The following ABCA7 variants were observed in gnomAD, a reference collection of about 807,000 sequenced individuals.
ABCA7 encodes the protein ATP binding cassette subfamily A member 7, also known as phospholipid-transporting ATPase ABCA7.
Under a neutral mutation model 227.6 loss-of-function variants are expected in ABCA7, and 261 were observed. The ratio of observed to expected loss-of-function variants is 1.15; its 90% CI spans 1.04 to 1.27. ABCA7 has a LOEUF of 1.27. Among genes scored for constraint, ABCA7 ranks in the 50% most tolerant of loss-of-function variants. ABCA7 has a pLI of 0.00. For synonymous variants in ABCA7, 1,488 were observed against 1,279.7 expected, an observed-to-expected ratio of 1.16 and a Z score of -3.47; for missense variants, 3,331 against 2,924.5, an observed-to-expected ratio of 1.14 and a Z score of -3.21.
At chr19:1,046,072 G>T (rs1322279939) in intron 12 of ABCA7, among the ~76,000 whole-genome samples, 158 bp from the exon 13 acceptor site, 1 of 152,232 alleles carries the variant, frequency 6.6e-6, no homozygotes, top group African/African-American at 2.4e-5. Flanking sequence ...GGGATCGTTT[G>T]ATCCCGGGAG....
intron 12 of ABCA7, 103 bp downstream of exon 12, chr19:1,045,334 G>A (rs2040513188): frequency 6.0e-6 from 7 of 1,162,724 alleles, no homozygotes; most frequent in Non-Finnish European, 7.2e-6. Context: ...ATGATAGACA[G>A]GATCTGGGCT....
At chr19:1,045,296 C>A in intron 12 of ABCA7, 65 bp downstream of exon 12, 2 of 1,423,832 alleles carry the variant, frequency 1.4e-6, no homozygotes, top group Non-Finnish European at 1.9e-6. Context: ...GTGGGTGGGG[C>A]CAGGCAGCAT....
chr19:1,052,581 G>T (rs113806018), intron 23 of ABCA7, among the ~76,000 whole-genome samples: 2 of 30,640 alleles, frequency 6.5e-5, no homozygotes, highest in African/African-American at 1.6e-4. Context: ...GAGTAGGAGG[G>T]GAGCAGAAGG....
Position 1,065,084 on chromosome 19 carries a change from C to T in ABCA7, c.6198C>T (p.Ala2066=), listed in dbSNP as rs1295187420. Residue 2066 remains alanine (A), a synonymous_variant, in exon 46 of 47, where the codon GCC becomes GCT. Transcript: ENST00000263094. The part of the protein sequence containing the change: ...RFQLPPGGRC[A]LARVFGELAV... ...AGCTGCCGCCGGGAGGGCGCTGCGC[C>T]CTGGCGCGCGTCTTTGGAGAGCTGG... is the stretch of plus-strand genomic sequence containing the variant. The T allele has an allele frequency of 6.4e-7, 1 of 1,572,928 alleles. No homozygotes were observed.
chr19:1,058,629 T>C lies in ABCA7; in HGVS notation c.5161T>C (p.Phe1721Leu). Residue 1721 changes from phenylalanine to leucine, a missense_variant, in exon 38 of 47, where the codon TTC becomes CTC. Physicochemically the swap from Phe to Leu is conservative, Grantham distance 22. Transcript: ENST00000263094. ...TTCTATATCCACAGGAGACAGGCAG[T>C]TCCAGTCACCCCTGCGCTGGGAGGT... ...DAFERLGDRQ[F>L]QSPLRWEVVG... is the part of the protein sequence containing the mutation. The C allele has an allele frequency of 6.2e-7, 1 of 1,613,856 alleles. No individual in the cohort carries two copies. The highest frequency in any genetic ancestry group is 8.5e-7 in the Non-Finnish European group (1 of 1,179,982).
In ABCA7 at chr19:1,041,518, C is replaced by T. The variant is rs1288224337; in HGVS notation, c.75C>T (p.Leu25=). 6.2e-7 allele frequency: 1 copy of T among 1,613,790 alleles called. No homozygotes were observed. Among genetic ancestry groups the T allele is most frequent in the Non-Finnish European group, 8.5e-7 (1 of 1,180,022 alleles). Residue 25 remains leucine (L), a synonymous_variant, in exon 3 of 47, where the codon CTC becomes CTT. Transcript: ENST00000263094. ...FMYRRRQPVQ[L]LVELLWPLFL... is the part of the protein sequence containing the mutation. ...CACCTATTCTCCCCCAGGTCCAGCT[C>T]CTGGTCGAATTGCTGTGGCCTCTCT...
Position 1,058,821 on chromosome 19 carries a change from C to T in ABCA7, c.5281C>T (p.Pro1761Ser), listed in dbSNP as rs761520229. 1.3e-6 allele frequency: 2 copies of T among 1,581,468 alleles called. No individual in the cohort carries two copies. Among genetic ancestry groups the T allele is most frequent in the Admixed American group, 1.8e-5 (1 of 56,286 alleles). ...LQHRSQLLPQ[P>S]RVRSLPLLGE... The stretch of plus-strand genomic sequence containing the variant: ...AGCCCACAGATATTCTGTCCCCAGG[C>T]CCAGGGTGAGGTCTCTGCCACTCCT... Residue 1761 changes from proline to serine, a missense_variant and splice_region_variant, in exon 39 of 47, where the codon CCC (proline) becomes TCC (serine). By Grantham distance (74) the Pro-to-Ser change is moderately conservative (BLOSUM62 -1). Transcript: ENST00000263094.
Position 1,056,065 on chromosome 19 carries a change from G to A in ABCA7, c.4239-1G>A. On this transcript the variant is annotated splice_acceptor_variant, in intron 31 of 46. Transcript: ENST00000263094. LOFTEE classifies it high-confidence loss of function. This position sits in a 1 kb window ranked among gnomAD's most constrained non-coding sequence, Gnocchi z 4.3. ...CCTTCCCTGCCTGCATGGCCCCACA[G>A]ATACGGAGGCTTCTCGCTGGGGGGC... is the stretch of plus-strand genomic sequence containing the variant. 4.4e-6 allele frequency: 7 copies of A among 1,586,638 alleles called. No individual in the cohort carries two copies. The highest frequency in any genetic ancestry group is 5.2e-6 in the Non-Finnish European group (6 of 1,164,468).
In ABCA7 at chr19:1,043,064, G is replaced by A. The variant is rs759953341; in HGVS notation, c.603G>A (p.Val201=). The A allele has an allele frequency of 2.2e-5, 36 of 1,607,958 alleles. No homozygotes were observed. The highest frequency in any genetic ancestry group is 6.7e-5 in the Admixed American group (4 of 59,768). ...AQELLALRSL[V]ELRALLQRPR... Reference sequence around the variant, plus strand: ...AGCTCCTGGCGCTGCGCAGCCTGGTGGAGCTTCGGGCACTGCTGCAGAGAC... The same window carrying A: ...AGCTCCTGGCGCTGCGCAGCCTGGTAGAGCTTCGGGCACTGCTGCAGAGAC... The change falls in exon 8 of 47, where the codon GTG becomes GTA. Residue 201 remains valine, a synonymous_variant. Transcript: ENST00000263094.
rs373820304 is a variant in ABCA7, at chr19:1,053,434, A to C, written c.3326A>C (p.His1109Pro). 1.2e-6 allele frequency: 2 copies of C among 1,605,576 alleles called. No individual in the cohort carries two copies. Among genetic ancestry groups the C allele is most frequent in the African/African-American group, 2.7e-5 (2 of 74,770 alleles). ...LVLVLPYTGA[H>P]DGSFATLFRE... ...CTGGTGCTGCCCTACACGGGTGCCC[A>C]TGACGGCAGCTTCGCCACACTCTTC... Residue 1109 changes from histidine (H) to proline (P), a missense_variant, in exon 24 of 47, where the codon CAT becomes CCT. Physicochemically the swap from His to Pro is moderately conservative, Grantham distance 77 (BLOSUM62 -2). Coordinates refer to ENST00000263094, the MANE Select transcript of ABCA7 (RefSeq NM_019112.4).
chr19:1,041,462 C>G lies in ABCA7; in HGVS notation c.66+35C>G. On this transcript the variant is annotated intron_variant, in intron 2 of 46. Transcript: ENST00000263094. The stretch of plus-strand genomic sequence containing the variant: ...CAGTGTGAGACCAGGGCCGGGTGGG[C>G]AGGCAGCCCCCACTGTCCCCCACCG... 2.5e-6 allele frequency: 4 copies of G among 1,613,740 alleles called. No homozygotes were observed. In the Middle Eastern group the frequency reaches 6.6e-4, roughly 267 times the overall value.
intron 18 of ABCA7, 79 bp from the exon 19 acceptor site, chr19:1,050,842 A>G: frequency 8.5e-7 from 1 of 1,171,800 alleles, no homozygotes. Flanking sequence ...TTTTTTAAAA[A>G]CAGAAATTAA....
chr19:1,056,486 T>C lies in ABCA7; in HGVS notation c.4573T>C (p.Ser1525Pro). 6.2e-7 allele frequency: 1 copy of C among 1,613,158 alleles called. No homozygotes were observed. Among genetic ancestry groups the C allele is most frequent in the Non-Finnish European group, 8.5e-7 (1 of 1,179,834 alleles). Residue 1525 changes from serine to proline, a missense_variant, in exon 33 of 47, where the codon TCT becomes CCT. Physicochemically the swap from Ser to Pro is moderately conservative, Grantham distance 74. Coordinates refer to ENST00000263094, the MANE Select transcript of ABCA7 (RefSeq NM_019112.4). This position sits in a 1 kb window ranked among gnomAD's most constrained non-coding sequence, Gnocchi z 4.3. Reference protein sequence around the residue: ...HPLNLTKEQLSEGALMASSVD... With the variant: ...HPLNLTKEQLPEGALMASSVD... Reference sequence around the variant, plus strand: ...CTTGAACCTCACCAAGGAGCAGCTGTCTGAGGGTGCACTGTGAGTCCCTCC... The same window carrying C: ...CTTGAACCTCACCAAGGAGCAGCTGCCTGAGGGTGCACTGTGAGTCCCTCC...
intron 40 of ABCA7, among the ~76,000 whole-genome samples, chr19:1,060,823 A>G (rs1270093356): frequency 1.3e-5 from 2 of 151,890 alleles, no homozygotes; most frequent in African/African-American, 4.8e-5. Flanking sequence ...CCTGGCCCAC[A>G]GTATATCTTT....
Position 1,046,923 on chromosome 19 carries a change from C to A in ABCA7, c.1744C>A (p.Arg582Ser), listed in dbSNP as rs764745232. The A allele has an allele frequency of 6.4e-7, 1 of 1,557,434 alleles. No homozygotes were observed. The highest frequency in any genetic ancestry group is 1.2e-5 in the South Asian group (1 of 85,802). The change falls in exon 14 of 47, where the codon CGC (arginine) becomes AGC (serine). Residue 582 changes from arginine (R) to serine (S), a missense_variant. Coordinates refer to ENST00000263094, the MANE Select transcript of ABCA7 (RefSeq NM_019112.4). ...GGAGACGCGGCTGCGGGACACCATG[C>A]GCGCCATGGGGCTCAGCCGCGCGGT... ...EKETRLRDTM[R>S]AMGLSRAVLW...
rs190351814 is a variant in ABCA7, at chr19:1,061,254, G to A, written c.5464-528G>A. Reference sequence around the variant, plus strand: ...TCTACTAAAAATACAAAAATTAGCCGGGCTTGGTGGCACACGCCTGTAGTC... The same window carrying A: ...TCTACTAAAAATACAAAAATTAGCCAGGCTTGGTGGCACACGCCTGTAGTC... On this transcript the variant is annotated intron_variant, in intron 40 of 46. Coordinates refer to ENST00000263094, the MANE Select transcript of ABCA7 (RefSeq NM_019112.4). 3.3e-4 allele frequency among the ~76,000 whole-genome samples: 50 copies of A among 151,732 alleles called. No homozygotes were observed. The Middle Eastern group carries it at 0.017, about 52-fold the overall frequency.
Position 1,043,079 on chromosome 19 carries a change from G to A in ABCA7, c.618G>A (p.Leu206=). The A allele has an allele frequency of 6.2e-7, 1 of 1,611,766 alleles. No homozygotes were observed. The highest frequency in any genetic ancestry group is 8.5e-7 in the Non-Finnish European group (1 of 1,179,094). Reference sequence around the variant, plus strand: ...GCAGCCTGGTGGAGCTTCGGGCACTGCTGCAGAGACCCCGAGGGACCAGCG... The same window carrying A: ...GCAGCCTGGTGGAGCTTCGGGCACTACTGCAGAGACCCCGAGGGACCAGCG... The part of the protein sequence containing the change: ...ALRSLVELRA[L]LQRPRGTSGP... The change falls in exon 8 of 47, where the codon CTG becomes CTA. Residue 206 remains leucine (L), a synonymous_variant. Coordinates refer to ENST00000263094, the MANE Select transcript of ABCA7 (RefSeq NM_019112.4).
rs137888610 is a variant in ABCA7 at position 1,056,127 on chromosome 19, C to T, written c.4300C>T (p.Arg1434Cys). The T allele has an allele frequency of 1.7e-4, 274 of 1,609,508 alleles. 1 individual carries two copies. The highest frequency in any genetic ancestry group is 2.8e-4 in the Admixed American group (17 of 59,898). Residue 1434 changes from arginine (R) to cysteine (C), a missense_variant, in exon 32 of 47, where the codon CGC becomes TGC. Transcript: ENST00000263094. The surrounding 1 kb of genome is among the most constrained non-coding windows in gnomAD (Gnocchi z 4.3). Reference sequence around the variant, plus strand: ...CCTGCCCTCGGGCCAAGAGTTGGGCCGCTCAGTGGAGGAGTTGTGGGCGCT... The same window carrying T: ...CCTGCCCTCGGGCCAAGAGTTGGGCTGCTCAGTGGAGGAGTTGTGGGCGCT... ...PGLPSGQELG[R>C]SVEELWALLS...
chr19:1,041,596 C>T lies in ABCA7; in HGVS notation c.153C>T (p.His51=). The change falls in exon 3 of 47, where the codon CAC becomes CAT. Residue 51 remains histidine, a synonymous_variant. Transcript: ENST00000263094. ...GCCACTCCCACCCGCCCCTGGAGCACCATGAATGTGAGCCCCCCCAGGGAC... is the reference window on the plus strand; with the variant it reads ...GCCACTCCCACCCGCCCCTGGAGCATCATGAATGTGAGCCCCCCCAGGGAC... ...AVRHSHPPLE[H]HECHFPNKPL... The T allele has an allele frequency of 6.2e-7, 1 of 1,612,178 alleles. No homozygotes were observed. The highest frequency in any genetic ancestry group is 1.1e-5 in the South Asian group (1 of 91,082).
Sources: gnomAD v4.1 joint callset for allele counts (sites outside exome capture counted in the v4.1 genomes callset) on GRCh38, gnomAD v4.1.1 for gene constraint, Gnocchi (gnomAD v3.1) non-coding constraint, MANE v1.5 for transcripts, NCBI Gene and HGNC (gene_info 2026-07-23, HGNC 2026-07-21) for gene names.